Variants in TPRG1 observed in about 807,000 individuals in gnomAD.
The protein encoded by TPRG1 is tumor protein p63 regulated 1.
In TPRG1, 29 loss-of-function variants were observed where a neutral mutation model predicts 29.3. That is an observed-to-expected ratio of 0.99 (90% confidence interval 0.74 to 1.35). The LOEUF (loss-of-function observed/expected upper bound fraction) is 1.35. TPRG1 is among the 40% of genes most tolerant of loss of function. The pLI is 0.00. For missense variants in TPRG1, 327 were observed against 335.0 expected (o/e 0.98, Z 0.19); for synonymous variants, 130 against 116.8 (o/e 1.11, Z -0.73).
chr3:189,006,328 A>G (rs1389529314), intron 3 of TPRG1, among the ~76,000 whole-genome samples: 2 of 152,136 alleles, frequency 1.3e-5, no homozygotes, highest in Non-Finnish European at 2.9e-5. Context: ...AAGGGCCTAG[A>G]GGATGTGAAA....
intron 2 of TPRG1, among the ~76,000 whole-genome samples, chr3:189,128,298 T>G (rs1285238176): frequency 6.6e-6 from 1 of 152,066 alleles, no homozygotes; most frequent in Non-Finnish European, 1.5e-5. Context: ...GTCAGTATTG[T>G]GCAAAGACGG....
rs1305856472 is a variant in TPRG1, at chr3:189,321,711, T to C, written c.*891T>C. ...TAGCTCATTTACTTATACCATCTTT[T>C]GTTCAAATATATATTTTTTAATAAC... On this transcript the variant is annotated 3_prime_UTR_variant, in exon 6 of 6. Transcript: ENST00000345063. 1 of 152,154 alleles carries C rather than the reference T, an allele frequency of 6.6e-6. No homozygotes were observed. Among genetic ancestry groups the C allele is most frequent in the Non-Finnish European group, 1.5e-5 (1 of 68,014 alleles). 9.4% of individuals were successfully genotyped at this position (152,154 alleles called of 1,614,324 possible).
At chr3:189,161,480 ATTATTC>A (rs931173522) in intron 5 of TPRG1, among the ~76,000 whole-genome samples, 1 of 150,428 alleles carries the variant, frequency 6.6e-6, no homozygotes, top group Non-Finnish European at 1.5e-5. Flanking sequence ...TTTTATTATT[ATTATTC>A]TTGTCCACAT....
At chr3:189,046,101 A>C (rs541510173) in intron 4 of TPRG1, among the ~76,000 whole-genome samples, 1 of 152,348 alleles carries the variant, frequency 6.6e-6, no homozygotes, top group South Asian at 2.1e-4. Flanking sequence ...CTAAGGTTTT[A>C]GTTATGAGAC....
chr3:189,000,553 A>G (rs1013597044), intron 1 of TPRG1, among the ~76,000 whole-genome samples: 1 of 152,086 alleles, frequency 6.6e-6, no homozygotes, highest in Non-Finnish European at 1.5e-5. Context: ...AGATGGATTC[A>G]TTTTTAAAAA....
At position 189,074,813 on chromosome 3, in the gene TPRG1, A is replaced by G. The variant is rs1162809491; in HGVS notation, c.-463+50867A>G. Among the ~76,000 whole-genome samples, 4 of 140,498 alleles carry G rather than the reference A, an allele frequency of 2.8e-5. No individual in the cohort carries two copies. In the East Asian group the frequency reaches 7.9e-4, roughly 28 times the overall value. The allele number at this position is 140,498 out of a possible 152,430, so 92.2% of individuals were successfully genotyped here. On this transcript the variant is annotated intron_variant, in intron 4 of 10. Transcript: ENST00000433971. Reference sequence around the variant, plus strand: ...TCCTTATTTTAAAGTCTGTCAGCCTACCTTTTTTTTTTTCTTGAGACGGAG... The same window carrying G: ...TCCTTATTTTAAAGTCTGTCAGCCTGCCTTTTTTTTTTTCTTGAGACGGAG...
chr3:189,019,231 C>T (rs1468720823), intron 3 of TPRG1, among the ~76,000 whole-genome samples: 1 of 151,824 alleles, frequency 6.6e-6, no homozygotes, highest in East Asian at 1.9e-4. Flanking sequence ...ATTTCCTTCT[C>T]CTGCCTAATT....
rs143788100 is a variant in TPRG1, at chr3:189,267,107, C to T, written c.479+28198C>T. ...CAAAATTATATCATATTTTACTGTA[C>T]CCTATGTTTAGATGTATTTAGATAT... On this transcript the variant is annotated intron_variant, in intron 4 of 5. Transcript: ENST00000345063. Among the ~76,000 whole-genome samples, 201 of 152,228 alleles carry T rather than the reference C, an allele frequency of 1.3e-3. 1 individual carries two copies. Among genetic ancestry groups the T allele is most frequent in the African/African-American group, 4.3e-3 (179 of 41,542 alleles).
At chr3:189,152,052 G>A (rs1405385639) in intron 5 of TPRG1, among the ~76,000 whole-genome samples, 1 of 152,168 alleles carries the variant, frequency 6.6e-6, no homozygotes, top group African/African-American at 2.4e-5. Flanking sequence ...TTGAGCAGAT[G>A]TGCATGGCTT....
intron 4 of TPRG1, among the ~76,000 whole-genome samples, chr3:189,266,793 A>C (rs1273333014): frequency 6.6e-6 from 1 of 152,220 alleles, no homozygotes; most frequent in Non-Finnish European, 1.5e-5. Context: ...ATAACTAAGA[A>C]TATTAGGTAA....
chr3:189,004,562 T>A (rs1712190575), exon 3 of TPRG1: 1 of 152,224 alleles, frequency 6.6e-6, no homozygotes, highest in Non-Finnish European at 1.5e-5. Flanking sequence ...TCTGGCTGAA[T>A]GTAGAGGACT....
At chr3:189,031,240 G>A (rs1028325396) in intron 4 of TPRG1, among the ~76,000 whole-genome samples, 3 of 151,786 alleles carry the variant, frequency 2.0e-5, no homozygotes, top group East Asian at 1.9e-4. Flanking sequence ...GCAGTGAGCC[G>A]CGATTGCGCC....
intron 1 of TPRG1, among the ~76,000 whole-genome samples, chr3:189,109,067 T>G (rs1050828827): frequency 7.2e-5 from 11 of 151,924 alleles, no homozygotes; most frequent in African/African-American, 2.7e-4. Context: ...AGTTGGTATT[T>G]AAGGGTATAG....
At chr3:189,002,418 A>G (rs1488744798) in intron 2 of TPRG1, among the ~76,000 whole-genome samples, 2 of 152,148 alleles carry the variant, frequency 1.3e-5, no homozygotes, top group Non-Finnish European at 2.9e-5. Flanking sequence ...TTGTGAGGCA[A>G]AAATCTGATG....
intron 4 of TPRG1, among the ~76,000 whole-genome samples, chr3:189,045,359 A>G (rs544869354): frequency 3.9e-5 from 6 of 152,354 alleles, no homozygotes; most frequent in Admixed American, 3.3e-4. Context: ...GCTATTCAAC[A>G]ATCATGGAAA....
chr3:189,315,278 TTG>T (rs34255648), intron 5 of TPRG1, among the ~76,000 whole-genome samples: 21,983 of 142,984 alleles, frequency 0.15, 1,876 homozygotes, highest in East Asian at 0.32. Flanking sequence ...CCTGAAAGAA[TTG>T]TGTGTGTGTG....
intron 3 of TPRG1, among the ~76,000 whole-genome samples, chr3:189,146,338 G>A (rs900283177): frequency 6.6e-6 from 1 of 152,238 alleles, no homozygotes; most frequent in Non-Finnish European, 1.5e-5. Context: ...GCGCCCGTAA[G>A]TCTCTCTGAG....
intron 4 of TPRG1, among the ~76,000 whole-genome samples, chr3:189,255,026 C>T (rs1711583315): frequency 6.6e-6 from 1 of 152,064 alleles, no homozygotes; most frequent in South Asian, 2.1e-4. Flanking sequence ...ATTTCTCTTG[C>T]CTGATTGCCC....
At chr3:189,208,167 T>C (rs1326306876) in intron 2 of TPRG1, among the ~76,000 whole-genome samples, 1 of 152,220 alleles carries the variant, frequency 6.6e-6, no homozygotes, top group African/African-American at 2.4e-5. Flanking sequence ...GGAGCTTGTA[T>C]ATCTGGATGT....
Sources: allele counts gnomAD v4.1 joint callset (sites outside exome capture counted in the v4.1 genomes callset), GRCh38; gene constraint gnomAD v4.1.1; transcripts MANE v1.5; gene names NCBI Gene and HGNC (gene_info 2026-07-23, HGNC 2026-07-21).